Variants in PCNX2 observed in about 807,000 individuals in gnomAD.
The protein encoded by PCNX2 is pecanex-like protein 2.
A neutral mutation model predicts 223.8 loss-of-function variants in PCNX2; 168 were observed. The observed-to-expected ratio is 0.75, with a 90% CI of 0.66 to 0.85. The LOEUF (loss-of-function observed/expected upper bound fraction) is 0.85. Ranked by LOEUF, PCNX2 falls within the 40% of genes least tolerant of loss-of-function variation. The probability of loss-of-function intolerance (pLI) is 0.00; values close to 1 mark genes in which losing one functional copy is unlikely to be tolerated. For missense variants in PCNX2, 2,507 were observed against 2,675.5 expected (o/e 0.94, Z 1.39); for synonymous variants, 1,006 against 1,052.6 (o/e 0.96, Z 0.86).
chr1:233,023,470 C>G (rs1017628011), intron 26 of PCNX2, among the ~76,000 whole-genome samples: 1 of 152,170 alleles, frequency 6.6e-6, no homozygotes, highest in Non-Finnish European at 1.5e-5. Flanking sequence ...TTTCCTCTAT[C>G]CCTTTAAGCC....
intron 27 of PCNX2, among the ~76,000 whole-genome samples, chr1:233,016,418 T>C (rs1215558582): frequency 6.6e-6 from 1 of 152,116 alleles, no homozygotes; most frequent in African/African-American, 2.4e-5. Flanking sequence ...TCATAATTCT[T>C]GATTATATTT....
chr1:233,071,115 T>A (rs1672836041), intron 23 of PCNX2, among the ~76,000 whole-genome samples: 2 of 152,216 alleles, frequency 1.3e-5, no homozygotes, highest in African/African-American at 4.8e-5. Flanking sequence ...TACTTCCCCA[T>A]AAGATTGGGA....
At chr1:233,143,163 T>A (rs1240522220) in intron 19 of PCNX2, among the ~76,000 whole-genome samples, 1 of 152,218 alleles carries the variant, frequency 6.6e-6, no homozygotes, top group Non-Finnish European at 1.5e-5. Flanking sequence ...GCTGTCAACC[T>A]GTACACACCT....
At chr1:233,192,027 C>T (rs1024019900) in intron 15 of PCNX2, among the ~76,000 whole-genome samples, 1 of 152,170 alleles carries the variant, frequency 6.6e-6, no homozygotes, top group Non-Finnish European at 1.5e-5. Context: ...CATCTCTGAA[C>T]TAGTAGTGTA....
At chr1:233,060,898 T>C (rs143247640) in intron 23 of PCNX2, among the ~76,000 whole-genome samples, 25 of 152,328 alleles carry the variant, frequency 1.6e-4, no homozygotes, top group African/African-American at 6.0e-4. Context: ...ACCCCTCTTT[T>C]ATGTTAATAC....
intron 21 of PCNX2, among the ~76,000 whole-genome samples, chr1:233,099,762 G>C (rs1372420682): frequency 6.6e-6 from 1 of 152,086 alleles, no homozygotes; most frequent in Non-Finnish European, 1.5e-5. Context: ...TATGAAGAGG[G>C]ACCTCCTGCA....
chr1:233,108,725 G>T (rs1041191294), intron 21 of PCNX2, among the ~76,000 whole-genome samples: 1 of 152,142 alleles, frequency 6.6e-6, no homozygotes, highest in Non-Finnish European at 1.5e-5. Context: ...CACTGCAGCT[G>T]GGAGGGAAGG....
At chr1:233,130,808 A>G (rs1184851432) in intron 21 of PCNX2, among the ~76,000 whole-genome samples, 3 of 150,004 alleles carry the variant, frequency 2.0e-5, no homozygotes, top group African/African-American at 7.4e-5. Context: ...TTTATTCCAG[A>G]TCTGGCAGAC....
At chr1:233,254,372 G>A (rs574844131) in intron 5 of PCNX2, among the ~76,000 whole-genome samples, 43 of 152,126 alleles carry the variant, frequency 2.8e-4, no homozygotes, top group African/African-American at 9.4e-4. Context: ...ATAAAAAATC[G>A]CAGAAAGGCA....
chr1:233,105,409 G>A (rs1222901798), intron 21 of PCNX2, among the ~76,000 whole-genome samples: 1 of 152,166 alleles, frequency 6.6e-6, no homozygotes, highest in East Asian at 1.9e-4. Flanking sequence ...AAACCTCATA[G>A]AGGATACCAG....
Position 233,000,190 on chromosome 1 carries a change from A to G in PCNX2, c.5328+115T>C. The G allele has an allele frequency of 9.6e-7, 1 of 1,046,666 alleles. No homozygotes were observed. The highest frequency in any genetic ancestry group is 2.4e-5 in the East Asian group (1 of 41,400). 64.8% of individuals were successfully genotyped at this position (1,046,666 alleles called of 1,614,324 possible). On this transcript the variant is annotated intron_variant, in intron 30 of 33. Coordinates refer to ENST00000258229, the MANE Select transcript of PCNX2 (RefSeq NM_014801.4). This position sits in a 1 kb window ranked among gnomAD's most constrained non-coding sequence, Gnocchi z 4.6. Reference sequence around the variant, plus strand: ...CCTTCCAGAACATCCCTCTGAACAGAGGATGCTGGCACAGAGACTCCTGTG... The same window carrying G: ...CCTTCCAGAACATCCCTCTGAACAGGGGATGCTGGCACAGAGACTCCTGTG...
chr1:233,318,800 G>C, the PCNX2 span, among the ~76,000 whole-genome samples: 5 of 151,954 alleles, frequency 3.3e-5, no homozygotes, highest in African/African-American at 1.2e-4. Context: ...CTCCCGACCT[G>C]AAGTGATGAT....
At chr1:233,216,739 A>T (rs1487475157) in intron 12 of PCNX2, among the ~76,000 whole-genome samples, 1 of 152,206 alleles carries the variant, frequency 6.6e-6, no homozygotes, top group Non-Finnish European at 1.5e-5. Flanking sequence ...CAATATGTCC[A>T]AAAGATATAC....
chr1:233,135,258 T>C, intron 20 of PCNX2, 68 bp from the exon 21 acceptor site: 1 of 1,450,000 alleles, frequency 6.9e-7, no homozygotes, highest in African/African-American at 1.4e-5. Context: ...TTTCATTCGC[T>C]AACAATTCTC....
intron 13 of PCNX2, among the ~76,000 whole-genome samples, chr1:233,206,032 C>T (rs1681431969): frequency 6.6e-6 from 1 of 152,080 alleles, no homozygotes; most frequent in African/African-American, 2.4e-5. Flanking sequence ...CGCAGAACAG[C>T]TTCCAAGTGG....
intron 12 of PCNX2, among the ~76,000 whole-genome samples, chr1:233,209,411 A>C (rs1681698471): frequency 6.6e-6 from 1 of 152,228 alleles, no homozygotes; most frequent in African/African-American, 2.4e-5. Context: ...TTCAGGGCAA[A>C]AGCCAACAAA....
Position 233,188,586 on chromosome 1 carries a change from G to A in PCNX2, c.3067-9411C>T, listed in dbSNP as rs150018429. Among the ~76,000 whole-genome samples the A allele has an allele frequency of 5.7e-3, 857 of 151,254 alleles. 9 individuals are homozygous for A. The highest frequency in any genetic ancestry group is 0.02 in the African/African-American group (810 of 41,192). On this transcript the variant is annotated intron_variant, in intron 15 of 33. Coordinates refer to ENST00000258229, the MANE Select transcript of PCNX2 (RefSeq NM_014801.4). ...CACCCAGGCTGGAGTGCAGTGGTGTGATCTCGGCTCACTGCAACCTCTGCC... is the reference window on the plus strand; with the variant it reads ...CACCCAGGCTGGAGTGCAGTGGTGTAATCTCGGCTCACTGCAACCTCTGCC...
the PCNX2 span, among the ~76,000 whole-genome samples, chr1:233,320,105 C>CA: frequency 2.6e-5 from 4 of 152,040 alleles, no homozygotes; most frequent in South Asian, 2.1e-4. Flanking sequence ...TATGTATTTG[C>CA]AAAAGGCAAA....
chr1:233,156,999 T>A (rs1455597304), intron 19 of PCNX2, among the ~76,000 whole-genome samples: 1 of 152,132 alleles, frequency 6.6e-6, no homozygotes, highest in Non-Finnish European at 1.5e-5. Flanking sequence ...GCTGGAGGAA[T>A]GGCATCCTTA....
Sources: gnomAD v4.1 joint callset for allele counts (sites outside exome capture counted in the v4.1 genomes callset) on GRCh38, gnomAD v4.1.1 for gene constraint, Gnocchi (gnomAD v3.1) non-coding constraint, MANE v1.5 for transcripts, NCBI Gene and HGNC (gene_info 2026-07-23, HGNC 2026-07-21) for gene names.